The following ASAP1 variants were observed in gnomAD, a reference collection of about 807,000 sequenced individuals.
ASAP1 encodes the protein ArfGAP with SH3 domain, ankyrin repeat and PH domain 1, also known as arf-GAP with SH3 domain, ANK repeat and PH domain-containing protein 1.
In ASAP1, 43 loss-of-function variants were observed where a neutral mutation model predicts 145.2. The observed-to-expected ratio is 0.30, with a 90% confidence interval of 0.23 to 0.38. The LOEUF (loss-of-function observed/expected upper bound fraction) is 0.38, where lower values mean the gene tolerates loss of function less well. ASAP1 is among the 10% of genes least tolerant of loss of function. The pLI, the probability that ASAP1 is intolerant of heterozygous loss-of-function variation, is 1.00. For synonymous variants in ASAP1, 546 were observed against 515.5 expected (o/e 1.06, Z -0.80); for missense variants, 1,018 against 1,355.3 (o/e 0.75, Z 3.91).
chr8:130,148,701 C>G (rs190224512), intron 13 of ASAP1, among the ~76,000 whole-genome samples: 1 of 152,160 alleles, frequency 6.6e-6, no homozygotes, highest in African/African-American at 2.4e-5. Context: ...AATTCTTATA[C>G]TTTCTGTTGT....
At chr8:130,169,118 A>C (rs373686845) in intron 9 of ASAP1, 51 bp from the exon 10 acceptor site, 3 of 1,155,800 alleles carry the variant, frequency 2.6e-6, no homozygotes, top group Non-Finnish European at 3.8e-6. Context: ...AAAAAAGAGT[A>C]TTTGTTTCCT....
At chr8:130,217,479 A>T (rs991348280) in intron 4 of ASAP1, among the ~76,000 whole-genome samples, 1 of 151,916 alleles carries the variant, frequency 6.6e-6, no homozygotes, top group African/African-American at 2.4e-5. Flanking sequence ...ACGTATATAT[A>T]CACACGTATA....
chr8:130,258,494 T>G (rs58682635), intron 3 of ASAP1, among the ~76,000 whole-genome samples: 4,071 of 152,274 alleles, frequency 0.027, 185 homozygotes, highest in African/African-American at 0.092. Flanking sequence ...TATCCTTCAT[T>G]ACTTTCCAGT....
rs150294362 is a variant in ASAP1, at chr8:130,282,150, A to G, written c.187-45156T>C. 3.5e-3 allele frequency among the ~76,000 whole-genome samples: 530 copies of G among 152,166 alleles called. 1 individual carries two copies. The highest frequency in any genetic ancestry group is 0.012 in the African/African-American group (510 of 41,504). On this transcript the variant is annotated intron_variant, in intron 3 of 29. Coordinates refer to ENST00000518721, the MANE Select transcript of ASAP1 (RefSeq NM_018482.4). ...CAAATATATATGTTCTACATTTTGC[A>G]GTATCTTTTAATTAGAATCCAATTT...
intron 7 of ASAP1, among the ~76,000 whole-genome samples, chr8:130,183,361 G>A (rs188612653): frequency 6.6e-6 from 1 of 151,958 alleles, no homozygotes; most frequent in African/African-American, 2.4e-5. Flanking sequence ...TTATTTTTGA[G>A]ACAAAGTCTC....
At chr8:130,277,983 G>T (rs759171744) in intron 3 of ASAP1, among the ~76,000 whole-genome samples, 2 of 150,768 alleles carry the variant, frequency 1.3e-5, no homozygotes, top group Non-Finnish European at 2.9e-5. Flanking sequence ...ATGAAAGGAA[G>T]AAATCCAAAG....
At chr8:130,337,947 G>A (rs190757268) in intron 3 of ASAP1, among the ~76,000 whole-genome samples, 10 of 152,352 alleles carry the variant, frequency 6.6e-5, no homozygotes, top group African/African-American at 1.7e-4. Context: ...TACCAATGTG[G>A]AGTGTAAGAT....
intron 3 of ASAP1, among the ~76,000 whole-genome samples, chr8:130,280,613 A>G (rs1821192597): frequency 6.6e-6 from 1 of 152,242 alleles, no homozygotes; most frequent in African/African-American, 2.4e-5. Context: ...CCAAATCAAC[A>G]AAAGGCAATA....
intron 24 of ASAP1, among the ~76,000 whole-genome samples, chr8:130,101,732 A>ATTTTTTTTTTTTTTTTTTCTTTTTT (rs2097529138): frequency 1.1e-5 from 1 of 86,968 alleles, no homozygotes. Flanking sequence ...CACCTGGTTA[A>ATTTTTTTTTTTTTTTTTTCTTTTTT]TTTTTTTTTT....
intron 13 of ASAP1, among the ~76,000 whole-genome samples, chr8:130,146,272 C>G (rs1270786382): frequency 1.3e-5 from 2 of 152,120 alleles, no homozygotes; most frequent in South Asian, 4.2e-4. Flanking sequence ...TTTAAAAAAG[C>G]CTTTTTACCC....
At chr8:130,227,210 T>C (rs898421719) in intron 4 of ASAP1, among the ~76,000 whole-genome samples, 9 of 152,192 alleles carry the variant, frequency 5.9e-5, no homozygotes, top group African/African-American at 9.6e-5. Flanking sequence ...GGTGGTAGCC[T>C]ACGATAGGAC....
At chr8:130,204,276 T>C (rs1816062751) in intron 5 of ASAP1, among the ~76,000 whole-genome samples, 1 of 152,004 alleles carries the variant, frequency 6.6e-6, no homozygotes, top group Non-Finnish European at 1.5e-5. Flanking sequence ...CCCGAAACCA[T>C]CCTCCCGGCT....
At chr8:130,192,151 A>C (rs1815183033) in intron 5 of ASAP1, among the ~76,000 whole-genome samples, 1 of 152,152 alleles carries the variant, frequency 6.6e-6, no homozygotes. Context: ...GGCATACCAG[A>C]GAGCTATAGT....
rs778188971 is a variant in ASAP1 at position 130,116,755 on chromosome 8, G to GA, written c.1997-11dup. On this transcript the variant is annotated splice_polypyrimidine_tract_variant and intron_variant, in intron 21 of 29. Transcript: ENST00000518721. ...TCTCCAGCCTGGTTAACTGAAATAG[G>GA]AAAAAAATTAATTTGCATAATTATC... 58 of 1,613,284 alleles carry GA rather than the reference G, an allele frequency of 3.6e-5. No homozygotes were observed. The South Asian group carries it at 4.3e-4, about 12-fold the overall frequency.
intron 18 of ASAP1, among the ~76,000 whole-genome samples, chr8:130,120,340 A>G (rs1419071636): frequency 6.6e-6 from 1 of 152,242 alleles, no homozygotes. Context: ...TAAAAATTAA[A>G]TCGCTCGATT....
At chr8:130,166,916 AAGAC>A (rs1382323934) in intron 11 of ASAP1, among the ~76,000 whole-genome samples, 2 of 152,214 alleles carry the variant, frequency 1.3e-5, no homozygotes, top group African/African-American at 4.8e-5. Context: ...GCTGCCCAGA[AAGAC>A]AGAAGTGGTC....
intron 2 of ASAP1, among the ~76,000 whole-genome samples, chr8:130,383,205 A>G (rs1827860253): frequency 6.6e-6 from 1 of 152,174 alleles, no homozygotes; most frequent in South Asian, 2.1e-4. Flanking sequence ...AGGCAGGCAG[A>G]CTGCTCACTT....
intron 3 of ASAP1, among the ~76,000 whole-genome samples, chr8:130,285,028 G>A (rs1821519880): frequency 6.6e-6 from 1 of 152,064 alleles, no homozygotes; most frequent in Non-Finnish European, 1.5e-5. Flanking sequence ...ACCTAAGAAA[G>A]TAAAGGCCAG....
chr8:130,289,066 G>A (rs1175852564), intron 3 of ASAP1, among the ~76,000 whole-genome samples: 2 of 152,076 alleles, frequency 1.3e-5, no homozygotes, highest in Non-Finnish European at 2.9e-5. Flanking sequence ...CACGCCTGTA[G>A]TCCCAGGTAC....
Sources: gnomAD v4.1 joint callset for allele counts (sites outside exome capture counted in the v4.1 genomes callset) on GRCh38, gnomAD v4.1.1 for gene constraint, MANE v1.5 for transcripts, NCBI Gene and HGNC (gene_info 2026-07-23, HGNC 2026-07-21) for gene names.